TBCD: variants seen among roughly 807,000 people sequenced by gnomAD.
TBCD encodes the protein tubulin-specific chaperone D.
A neutral mutation model predicts 169.3 loss-of-function variants in TBCD; 105 were observed. That is an observed-to-expected ratio of 0.62 (90% CI 0.53 to 0.73). The LOEUF is 0.73. Ranked by LOEUF, TBCD falls within the 30% of genes least tolerant of loss-of-function variation. The pLI, the probability that TBCD is intolerant of heterozygous loss-of-function variation, is 0.00. For missense variants in TBCD, 1,444 were observed against 1,600.1 expected (o/e 0.90, Z 1.66); for synonymous variants, 700 against 643.9 (o/e 1.09, Z -1.32).
chr17:82,827,817 CCA>C (rs2053010719), intron 13 of TBCD, among the ~76,000 whole-genome samples: 2 of 110,784 alleles, frequency 1.8e-5, no homozygotes, highest in South Asian at 5.8e-4. Context: ...ATGTGCCCCC[CCA>C]CAGATATGCA....
chr17:82,809,656 C>T, intron 11 of TBCD, 52 bp from the exon 12 acceptor site: 1 of 1,585,618 alleles, frequency 6.3e-7, no homozygotes, highest in South Asian at 1.1e-5. Flanking sequence ...CACGCATGCC[C>T]TTGGCGACAG....
rs1232421110 is a variant in TBCD, at chr17:82,832,743, A to G, written c.1318+17809A>G. On this transcript the variant is annotated intron_variant, in intron 13 of 38. Transcript: ENST00000355528. The surrounding 1 kb of genome is among the most constrained non-coding windows in gnomAD (Gnocchi z 4.9). The stretch of plus-strand genomic sequence containing the variant: ...AGGATCCCTGAAGCAGAACCCCTGA[A>G]GGGCTGAAACTGCCTGCTCCTGAGG... The G allele has an allele frequency of 4.2e-6, 2 of 481,066 alleles. No homozygotes were observed. Among genetic ancestry groups the G allele is most frequent in the Non-Finnish European group, 7.6e-6 (2 of 263,762 alleles). 29.8% of individuals were successfully genotyped at this position (481,066 alleles called of 1,614,324 possible).
At chr17:82,931,610 G>T (rs546457098) in intron 33 of TBCD, among the ~76,000 whole-genome samples, 1 of 152,230 alleles carries the variant, frequency 6.6e-6, no homozygotes. Flanking sequence ...GGTTGTTGCC[G>T]CATCGGGGCT....
At chr17:82,807,719 T>G in intron 11 of TBCD, 51 bp downstream of exon 11, 3 of 1,356,830 alleles carry the variant, frequency 2.2e-6, no homozygotes, top group Non-Finnish European at 2.9e-6. Flanking sequence ...CGGCCTCTCC[T>G]GTGCGATTCA....
intron 34 of TBCD, among the ~76,000 whole-genome samples, chr17:82,933,053 C>A (rs181631649): frequency 6.6e-6 from 1 of 152,068 alleles, no homozygotes; most frequent in African/African-American, 2.4e-5. Context: ...TGCTGGGAGC[C>A]GCAGGGCCTG....
chr17:82,838,565 A>G (rs932208174), intron 13 of TBCD: 11 of 803,346 alleles, frequency 1.4e-5, no homozygotes, highest in Middle Eastern at 6.3e-4. Flanking sequence ...GCGTTGTTGC[A>G]TAACTCAAGG....
intron 6 of TBCD, 120 bp downstream of exon 6, chr17:82,772,627 ACTCTGTGGCTTT>A (rs1449550593): frequency 4.6e-6 from 5 of 1,081,404 alleles, no homozygotes; most frequent in African/African-American, 1.6e-5. Context: ...AAGTCTTTGG[ACTCTGTGGCTTT>A]CTCTGAGGGA....
At position 82,797,643 on chromosome 17, in the gene TBCD, A is replaced by G. The variant is rs1312869074; in HGVS notation, c.772-114A>G. ...CTGTTTTCTTTATTATTAGGTGGTG[A>G]GTGTTTAGAATAAAAATTCTGAAAG... On this transcript the variant is annotated intron_variant, in intron 7 of 38. Coordinates refer to ENST00000355528, the MANE Select transcript of TBCD (RefSeq NM_005993.5). 4 of 746,386 alleles carry G rather than the reference A, an allele frequency of 5.4e-6. No homozygotes were observed. The African/African-American group carries it at 7.2e-5, about 13-fold the overall frequency. 46.2% of individuals were successfully genotyped at this position (746,386 alleles called of 1,614,324 possible).
intron 11 of TBCD, among the ~76,000 whole-genome samples, chr17:82,809,417 C>A (rs1435037086): frequency 6.6e-6 from 1 of 152,144 alleles, no homozygotes; most frequent in Non-Finnish European, 1.5e-5. Context: ...TGCCTCGGTA[C>A]CCTCAGCCGT....
intron 14 of TBCD, among the ~76,000 whole-genome samples, chr17:82,878,643 G>T (rs1277014860): frequency 2.0e-5 from 3 of 152,214 alleles, no homozygotes; most frequent in Non-Finnish European, 4.4e-5. Flanking sequence ...GGCCTGCCAG[G>T]TGCCTCCACT....
chr17:82,827,047 A>G (rs1026000103), intron 13 of TBCD, among the ~76,000 whole-genome samples: 2 of 152,338 alleles, frequency 1.3e-5, no homozygotes, highest in East Asian at 3.9e-4. Flanking sequence ...CTGGGATGAC[A>G]GGTGTGAGCC....
chr17:82,755,334 T>C (rs2047346825), intron 1 of TBCD, among the ~76,000 whole-genome samples: 1 of 152,214 alleles, frequency 6.6e-6, no homozygotes, highest in Non-Finnish European at 1.5e-5. Flanking sequence ...ACTTAGTTAA[T>C]TTTCTCTTGG....
chr17:82,897,717 C>G (rs1046640121), intron 17 of TBCD, among the ~76,000 whole-genome samples: 2 of 152,218 alleles, frequency 1.3e-5, no homozygotes, highest in African/African-American at 2.4e-5. Flanking sequence ...TGACTGACCT[C>G]CTGTCGCTGG....
rs148093566 is a variant in TBCD at position 82,766,915 on chromosome 17, C to T, written c.435+547C>T. On this transcript the variant is annotated intron_variant, in intron 4 of 38. Transcript: ENST00000355528. ...GTGACCACACCTGTGAGGTGTCTATCAGAGAAGCACGTTTGAGACTTGGTG... is the reference window on the plus strand; with the variant it reads ...GTGACCACACCTGTGAGGTGTCTATTAGAGAAGCACGTTTGAGACTTGGTG... Among the ~76,000 whole-genome samples the T allele has an allele frequency of 3.1e-3, 474 of 152,344 alleles. 1 individual carries two copies. Among genetic ancestry groups the T allele is most frequent in the African/African-American group, 9.8e-3 (409 of 41,582 alleles).
intron 13 of TBCD, among the ~76,000 whole-genome samples, chr17:82,846,600 A>G (rs1382786937): frequency 6.6e-6 from 1 of 152,194 alleles, no homozygotes; most frequent in Non-Finnish European, 1.5e-5. Flanking sequence ...GGTGGTACAC[A>G]GGCTTGCTGG....
intron 5 of TBCD, among the ~76,000 whole-genome samples, chr17:82,770,973 G>A (rs965853259): frequency 4.7e-5 from 7 of 150,346 alleles, no homozygotes; most frequent in Admixed American, 2.0e-4. Context: ...GCTTGAACCC[G>A]GGAAGCAGAG....
At chr17:82,759,708 T>G (rs2047650252) in intron 2 of TBCD, among the ~76,000 whole-genome samples, 1 of 152,174 alleles carries the variant, frequency 6.6e-6, no homozygotes, top group Non-Finnish European at 1.5e-5. Flanking sequence ...GAAAGTTTAT[T>G]TTTCCTAATC....
At chr17:82,819,769 C>G (rs950046392) in intron 13 of TBCD, among the ~76,000 whole-genome samples, 1 of 152,152 alleles carries the variant, frequency 6.6e-6, no homozygotes, top group African/African-American at 2.4e-5. Flanking sequence ...TTAGGTGATT[C>G]AAATTCCAGG....
chr17:82,800,181 C>T lies in TBCD; in HGVS notation c.818-683C>T, dbSNP rs73362987. ...TTCACTTCCAGCCCATCTCTGAAGC[C>T]GCCATGCACTTCCACCCCAGCCCTT... is the stretch of plus-strand genomic sequence containing the variant. On this transcript the variant is annotated intron_variant, in intron 8 of 38. Coordinates refer to ENST00000355528, the MANE Select transcript of TBCD (RefSeq NM_005993.5). 3.1e-3 allele frequency among the ~76,000 whole-genome samples: 466 copies of T among 152,272 alleles called. 2 individuals carry two copies. Among genetic ancestry groups the T allele is most frequent in the African/African-American group, 0.011 (452 of 41,558 alleles).
Sources: gnomAD v4.1 joint callset for allele counts (sites outside exome capture counted in the v4.1 genomes callset) on GRCh38, gnomAD v4.1.1 for gene constraint, Gnocchi (gnomAD v3.1) non-coding constraint, MANE v1.5 for transcripts, NCBI Gene and HGNC (gene_info 2026-07-23, HGNC 2026-07-21) for gene names.